The following FRAS1 variants were observed in gnomAD, a reference collection of about 807,000 sequenced individuals.
The protein encoded by FRAS1 is extracellular matrix organizing protein FRAS1.
A neutral mutation model predicts 435.2 loss-of-function variants in FRAS1; 290 were observed. The observed-to-expected ratio is 0.67, with a 90% CI of 0.61 to 0.73. The LOEUF (loss-of-function observed/expected upper bound fraction) is 0.73, where lower values mean the gene tolerates loss of function less well. Ranked by LOEUF, FRAS1 falls within the 30% of genes least tolerant of loss-of-function variation. The probability of loss-of-function intolerance (pLI) is 0.00; values close to 1 mark genes in which losing one functional copy is unlikely to be tolerated. For synonymous variants in FRAS1, 1,800 were observed against 1,851.0 expected (o/e 0.97, Z 0.71); for missense variants, 4,860 against 5,001.5 (o/e 0.97, Z 0.85).
Position 78,387,682 on chromosome 4 carries a change from A to C in FRAS1, c.3956A>C (p.Gln1319Pro). The C allele has an allele frequency of 6.5e-7, 1 of 1,529,222 alleles. No individual in the cohort carries two copies. Among genetic ancestry groups the C allele is most frequent in the Non-Finnish European group, 8.8e-7 (1 of 1,133,872 alleles). The allele number at this position is 1,529,222 out of a possible 1,614,324, so 94.7% of individuals were successfully genotyped here. ...DGHSFHNILF[Q>P]VKTVPQNDRG... ...CACTCCTTCCATAATATACTGTTCC[A>C]AGTGAAGACCGTGCCTCAGGTAGGT... Residue 1319 changes from glutamine (Q) to proline (P), a missense_variant, in exon 29 of 74, where the codon CAA becomes CCA. By Grantham distance (76) the Gln-to-Pro change is moderately conservative (BLOSUM62 -1). Transcript: ENST00000512123.
intron 31 of FRAS1, among the ~76,000 whole-genome samples, chr4:78,409,118 CAA>C (rs35627834): frequency 2.1e-5 from 2 of 94,338 alleles, no homozygotes; most frequent in African/African-American, 8.0e-5. Flanking sequence ...GACCCTCTCT[CAA>C]AAAAAAAAAA....
intron 50 of FRAS1, among the ~76,000 whole-genome samples, chr4:78,466,953 G>T (rs533264790): frequency 6.6e-6 from 1 of 151,836 alleles, no homozygotes; most frequent in South Asian, 2.1e-4. Context: ...TAATTTTTGT[G>T]GGTACATAGT....
chr4:78,252,173 A>T (rs780931305), intron 4 of FRAS1, among the ~76,000 whole-genome samples: 2 of 152,108 alleles, frequency 1.3e-5, no homozygotes, highest in African/African-American at 2.4e-5. Context: ...GTAAATAAAA[A>T]ATCTTCGCGG....
At chr4:78,175,934 A>G (rs1258863239) in intron 2 of FRAS1, among the ~76,000 whole-genome samples, 2 of 152,148 alleles carry the variant, frequency 1.3e-5, no homozygotes, top group African/African-American at 4.8e-5. Flanking sequence ...ATGTGACACC[A>G]TTACATCCCT....
At chr4:78,340,321 C>T (rs1164696972) in intron 20 of FRAS1, among the ~76,000 whole-genome samples, 1 of 152,104 alleles carries the variant, frequency 6.6e-6, no homozygotes, top group Non-Finnish European at 1.5e-5. Context: ...GCTTAGAAAT[C>T]ATTTATTGAT....
Position 78,541,010 on chromosome 4 carries a change from C to T in FRAS1, c.11925C>T (p.Asn3975=), listed in dbSNP as rs368578398. The change falls in exon 74 of 74, where the codon AAC becomes AAT. Residue 3975 remains asparagine (N), a synonymous_variant. Coordinates refer to ENST00000512123, the MANE Select transcript of FRAS1 (RefSeq NM_025074.7). ...NVNRHYCTVR[N]VNILSEPEAA... is the part of the protein sequence containing the mutation. ...ATAGACACTACTGCACTGTGCGGAA[C>T]GTCAACATCCTGAGTGAGCCTGAGG... 3.3e-5 allele frequency: 52 copies of T among 1,554,272 alleles called. No individual in the cohort carries two copies. Among genetic ancestry groups the T allele is most frequent in the Non-Finnish European group, 4.4e-5 (51 of 1,146,218 alleles).
At chr4:78,077,587 G>A (rs991117837) in intron 2 of FRAS1, among the ~76,000 whole-genome samples, 2 of 151,102 alleles carry the variant, frequency 1.3e-5, no homozygotes. Flanking sequence ...TCATCCACCC[G>A]CCTCCTATCC....
intron 2 of FRAS1, among the ~76,000 whole-genome samples, chr4:78,147,503 T>C (rs556186105): frequency 6.6e-6 from 1 of 152,294 alleles, no homozygotes; most frequent in African/African-American, 2.4e-5. Context: ...ATAGCACTTA[T>C]CACATATTGG....
At chr4:78,098,615 G>A (rs1021376957) in intron 2 of FRAS1, among the ~76,000 whole-genome samples, 3 of 152,100 alleles carry the variant, frequency 2.0e-5, no homozygotes, top group Non-Finnish European at 1.5e-5. Flanking sequence ...GATCCACCAA[G>A]GTGTTGCCTG....
rs528891230 is a variant in FRAS1 at position 78,162,335 on chromosome 4, C to T, written c.109-75175C>T. ...ATAGGAATTTATGATTATGTGTTTCCATCTTGTTGTTCGGTCTCCCAAAAA... is the reference window on the plus strand; with the variant it reads ...ATAGGAATTTATGATTATGTGTTTCTATCTTGTTGTTCGGTCTCCCAAAAA... On this transcript the variant is annotated intron_variant, in intron 2 of 73. Coordinates refer to ENST00000512123, the MANE Select transcript of FRAS1 (RefSeq NM_025074.7). Among the ~76,000 whole-genome samples the T allele has an allele frequency of 5.3e-5, 8 of 152,168 alleles. No individual in the cohort carries two copies. In the South Asian group the frequency reaches 1.2e-3, roughly 24 times the overall value.
At chr4:78,383,970 C>T in intron 27 of FRAS1, 89 bp from the exon 28 acceptor site, 1 of 955,418 alleles carries the variant, frequency 1.0e-6, no homozygotes, top group Non-Finnish European at 1.6e-6. Flanking sequence ...CTTACCTACA[C>T]ATAACCTGAA....
At chr4:78,113,275 C>A (rs900528158) in intron 2 of FRAS1, among the ~76,000 whole-genome samples, 2 of 152,132 alleles carry the variant, frequency 1.3e-5, no homozygotes, top group African/African-American at 4.8e-5. Context: ...GTGAATAGTG[C>A]CGCAACAAAC....
intron 20 of FRAS1, among the ~76,000 whole-genome samples, chr4:78,339,909 G>A (rs1730334901): frequency 6.6e-6 from 1 of 152,194 alleles, no homozygotes. Context: ...ATTAGAGTCA[G>A]GGAGAAGAGT....
chr4:78,437,185 A>G (rs1039133054), intron 38 of FRAS1, among the ~76,000 whole-genome samples: 1 of 152,198 alleles, frequency 6.6e-6, no homozygotes, highest in Non-Finnish European at 1.5e-5. Context: ...TATGCCTGCC[A>G]TGAAATAAGC....
At chr4:78,224,441 G>A (rs1174525910) in intron 2 of FRAS1, among the ~76,000 whole-genome samples, 5 of 152,154 alleles carry the variant, frequency 3.3e-5, no homozygotes, top group Non-Finnish European at 7.3e-5. Context: ...GTCTATGTAT[G>A]TAATATGTAT....
intron 14 of FRAS1, among the ~76,000 whole-genome samples, chr4:78,300,290 C>A (rs1206521624): frequency 4.6e-5 from 7 of 152,104 alleles, no homozygotes; most frequent in Non-Finnish European, 1.0e-4. Flanking sequence ...TTAAACTTAT[C>A]CTGCATATGG....
At chr4:78,342,479 T>C (rs148416342) in intron 20 of FRAS1, among the ~76,000 whole-genome samples, 1 of 152,352 alleles carries the variant, frequency 6.6e-6, no homozygotes, top group Non-Finnish European at 1.5e-5. Flanking sequence ...GAGAGGCAGC[T>C]GTGCATAATT....
intron 2 of FRAS1, among the ~76,000 whole-genome samples, chr4:78,075,803 G>C (rs1241136578): frequency 1.3e-5 from 2 of 152,170 alleles, no homozygotes; most frequent in African/African-American, 4.8e-5. Flanking sequence ...ATATGGGCCA[G>C]TTTAGAATTG....
intron 2 of FRAS1, among the ~76,000 whole-genome samples, chr4:78,219,919 A>G (rs532588106): frequency 2.0e-5 from 3 of 152,310 alleles, no homozygotes; most frequent in Non-Finnish European, 4.4e-5. Context: ...GAATCAGGTA[A>G]TGAAGGCCCA....
Sources: allele counts gnomAD v4.1 joint callset (sites outside exome capture counted in the v4.1 genomes callset), GRCh38; gene constraint gnomAD v4.1.1; transcripts MANE v1.5; gene names NCBI Gene and HGNC (gene_info 2026-07-23, HGNC 2026-07-21).